Variants in CDYL observed in about 807,000 individuals in gnomAD.
The protein encoded by CDYL is chromodomain Y-like protein.
A neutral mutation model predicts 47.3 loss-of-function variants in CDYL; 8 were observed. The observed-to-expected ratio is 0.17, with a 90% CI of 0.10 to 0.31. The LOEUF is 0.31. Ranked by LOEUF, CDYL falls within the 10% of genes least tolerant of loss-of-function variation. The pLI, the probability that CDYL is intolerant of heterozygous loss-of-function variation, is 1.00. For missense variants in CDYL, 471 were observed against 701.4 expected, an observed-to-expected ratio of 0.67 and a Z score of 3.71; for synonymous variants, 266 against 265.0, an observed-to-expected ratio of 1.00 and a Z score of -0.04.
chr6:4,809,950 T>C (rs1478304813), intron 1 of CDYL, among the ~76,000 whole-genome samples: 2 of 147,642 alleles, frequency 1.4e-5, no homozygotes, highest in South Asian at 2.2e-4. Context: ...CTTGGCGATA[T>C]TTTGTATGGT....
At chr6:4,790,665 G>A (rs1758893889) in intron 1 of CDYL, among the ~76,000 whole-genome samples, 1 of 152,188 alleles carries the variant, frequency 6.6e-6, no homozygotes, top group Non-Finnish European at 1.5e-5. Flanking sequence ...TAATTTCAAA[G>A]GCAGCCAGTA....
intron 5 of CDYL, among the ~76,000 whole-genome samples, chr6:4,951,014 G>A (rs753500248): frequency 3.3e-5 from 5 of 152,054 alleles, no homozygotes; most frequent in Non-Finnish European, 7.4e-5. Flanking sequence ...CATGGGAGGG[G>A]CAGTGAGTCA....
intron 2 of CDYL, among the ~76,000 whole-genome samples, chr6:4,729,166 C>T (rs573393225): frequency 3.3e-5 from 5 of 152,220 alleles, no homozygotes; most frequent in African/African-American, 1.2e-4. Context: ...GATAAAATTC[C>T]CTCTTCTCCA....
chr6:4,910,252 A>G, intron 2 of CDYL, among the ~76,000 whole-genome samples: 1 of 152,164 alleles, frequency 6.6e-6, no homozygotes. Context: ...CGGCATTAGC[A>G]CCTGGAACAA....
At chr6:4,925,422 T>TC (rs1757840252) in intron 2 of CDYL, among the ~76,000 whole-genome samples, 1 of 145,974 alleles carries the variant, frequency 6.9e-6, no homozygotes, top group Non-Finnish European at 1.5e-5. Context: ...TTTTTTTTTT[T>TC]TTTTTTTGAG....
chr6:4,729,557 C>T (rs950282331), intron 2 of CDYL, among the ~76,000 whole-genome samples: 2 of 152,190 alleles, frequency 1.3e-5, no homozygotes, highest in Non-Finnish European at 1.5e-5. Flanking sequence ...GCAGAAGGCC[C>T]ATTCCTTAAG....
At chr6:4,942,778 C>T (rs1351836490) in intron 4 of CDYL, among the ~76,000 whole-genome samples, 2 of 152,200 alleles carry the variant, frequency 1.3e-5, no homozygotes, top group Non-Finnish European at 2.9e-5. Context: ...TTTATTAAAC[C>T]TCTGTCCTGT....
chr6:4,724,253 G>A (rs1039878597), intron 2 of CDYL, among the ~76,000 whole-genome samples: 1 of 151,618 alleles, frequency 6.6e-6, no homozygotes, highest in Non-Finnish European at 1.5e-5. Context: ...TTCATTATAT[G>A]TTGGCCCGGC....
At chr6:4,791,485 G>A (rs924416017) in intron 1 of CDYL, among the ~76,000 whole-genome samples, 2 of 152,134 alleles carry the variant, frequency 1.3e-5, no homozygotes, top group African/African-American at 4.8e-5. Context: ...CTGTGTTGGA[G>A]GGCAGTCCTA....
chr6:4,819,374 A>G lies in CDYL; in HGVS notation c.24+42567A>G, dbSNP rs76875597. ...TGGTTCTCAAGCTTCCTTTGTTAAG[A>G]TGTTCCCACTCCCTCATTGGACAGG... is the stretch of plus-strand genomic sequence containing the variant. On this transcript the variant is annotated intron_variant, in intron 1 of 6. Transcript: ENST00000397588. 3.2e-4 allele frequency among the ~76,000 whole-genome samples: 49 copies of G among 152,270 alleles called. No individual in the cohort carries two copies. In the East Asian group the frequency reaches 8.5e-3, roughly 26 times the overall value.
intron 1 of CDYL, among the ~76,000 whole-genome samples, chr6:4,715,201 T>C (rs1757231022): frequency 6.6e-6 from 1 of 152,194 alleles, no homozygotes; most frequent in African/African-American, 2.4e-5. Flanking sequence ...TTAAAGCATT[T>C]GGTTACTTCT....
chr6:4,846,062 G>C (rs1258644354), intron 1 of CDYL, among the ~76,000 whole-genome samples: 1 of 151,782 alleles, frequency 6.6e-6, no homozygotes, highest in East Asian at 1.9e-4. Flanking sequence ...AATTATGTTA[G>C]AACAGTCATT....
chr6:4,750,621 C>A (rs1258744670), intron 3 of CDYL, among the ~76,000 whole-genome samples: 1 of 152,148 alleles, frequency 6.6e-6, no homozygotes, highest in Non-Finnish European at 1.5e-5. Context: ...AAGCTGTGAT[C>A]GTGCCACTGC....
At chr6:4,912,111 A>T (rs997569785) in intron 2 of CDYL, among the ~76,000 whole-genome samples, 1 of 152,236 alleles carries the variant, frequency 6.6e-6, no homozygotes, top group Non-Finnish European at 1.5e-5. Context: ...AAACAGCGCT[A>T]AACAGTCAAA....
rs1554133533 is a variant in CDYL at position 4,747,323 on chromosome 6, A to AG, written c.186+12479_186+12480insG. Among the ~76,000 whole-genome samples the AG allele has an allele frequency of 2.0e-5, 3 of 151,382 alleles. No homozygotes were observed. In the East Asian group the frequency reaches 5.8e-4, roughly 29 times the overall value. Reference sequence around the variant, plus strand: ...CTTCATCTCAAAAAAAAAAAAAAAAATCATGGGCATTAATGCATTATTACC... The same window carrying AG: ...CTTCATCTCAAAAAAAAAAAAAAAAAGTCATGGGCATTAATGCATTATTACC... On this transcript the variant is annotated intron_variant, in intron 3 of 8. Coordinates refer to the CDYL transcript ENST00000328908.
rs376894573 is a variant in CDYL at position 4,750,375 on chromosome 6, G to C, written c.186+15531G>C. Among the ~76,000 whole-genome samples, 24 of 151,578 alleles carry C rather than the reference G, an allele frequency of 1.6e-4. No individual in the cohort carries two copies. In the East Asian group the frequency reaches 3.3e-3, roughly 21 times the overall value. On this transcript the variant is annotated intron_variant, in intron 3 of 8. Coordinates refer to the CDYL transcript ENST00000328908. ...GCACCACCATGCCCGGCTAATTTTT[G>C]TATTTTTAAAAGAGACGGGGTTTCA...
intron 1 of CDYL, among the ~76,000 whole-genome samples, chr6:4,889,515 G>T (rs1319911248): frequency 1.3e-5 from 2 of 152,066 alleles, no homozygotes; most frequent in African/African-American, 2.4e-5. Context: ...GAGCCACCGT[G>T]CCCGGCCCAC....
intron 1 of CDYL, among the ~76,000 whole-genome samples, chr6:4,813,674 TTAGAATCTAA>T (rs1253563942): frequency 6.6e-6 from 1 of 152,238 alleles, no homozygotes; most frequent in Non-Finnish European, 1.5e-5. Flanking sequence ...CCGATTGTTA[TTAGAATCTAA>T]TTAGTTGTTT....
At chr6:4,912,314 A>G (rs923615745) in intron 2 of CDYL, among the ~76,000 whole-genome samples, 2 of 152,252 alleles carry the variant, frequency 1.3e-5, no homozygotes, top group Non-Finnish European at 2.9e-5. Context: ...CCTGGGAGTA[A>G]TAGGATAACA....
Sources: allele counts gnomAD v4.1 joint callset (sites outside exome capture counted in the v4.1 genomes callset), GRCh38; gene constraint gnomAD v4.1.1; transcripts MANE v1.5; gene names NCBI Gene and HGNC (gene_info 2026-07-23, HGNC 2026-07-21).